Variants in GLIS3 observed in about 807,000 individuals in gnomAD.
GLIS3 encodes zinc finger protein GLIS3.
GLIS3 carries 53 observed loss-of-function variants against 78.6 expected under a neutral mutation model. That is an observed-to-expected ratio of 0.67 (90% CI 0.54 to 0.85). The LOEUF (loss-of-function observed/expected upper bound fraction) is 0.85, where lower values mean the gene tolerates loss of function less well. Among genes scored for constraint, GLIS3 ranks in the 40% least tolerant of loss-of-function variants. GLIS3 has a pLI of 0.00. For synonymous variants in GLIS3, 684 were observed against 509.9 expected (o/e 1.34, Z -4.60); for missense variants, 1,703 against 1,231.1 (o/e 1.38, Z -5.74).
chr9:4,380,075 T>C, the GLIS3 span, among the ~76,000 whole-genome samples: 2 of 152,198 alleles, frequency 1.3e-5, no homozygotes, highest in Admixed American at 6.5e-5. Flanking sequence ...CTGTAGTGCA[T>C]CAATATCTGC....
chr9:4,453,979 T>C, the GLIS3 span, among the ~76,000 whole-genome samples: 1 of 151,902 alleles, frequency 6.6e-6, no homozygotes, highest in East Asian at 1.9e-4. Flanking sequence ...ACATGTACCC[T>C]AGAACTTAAA....
intron 2 of GLIS3, among the ~76,000 whole-genome samples, chr9:4,251,053 G>T (rs934693336): frequency 2.6e-4 from 40 of 152,166 alleles, no homozygotes; most frequent in African/African-American, 9.2e-4. Context: ...GAATAAATGT[G>T]ATGTGGTGCT....
intron 2 of GLIS3, among the ~76,000 whole-genome samples, chr9:4,223,464 C>G (rs1821505489): frequency 6.6e-6 from 1 of 152,192 alleles, no homozygotes; most frequent in Non-Finnish European, 1.5e-5. Flanking sequence ...CCAAGTTTCT[C>G]TAATATTTCT....
At chr9:4,182,074 A>C (rs541628763) in intron 2 of GLIS3, among the ~76,000 whole-genome samples, 2 of 152,368 alleles carry the variant, frequency 1.3e-5, no homozygotes, top group Admixed American at 6.5e-5. Context: ...AAGTACACCT[A>C]TGTTGAGCTA....
chr9:3,848,143 C>G (rs747523890), intron 9 of GLIS3, among the ~76,000 whole-genome samples: 54 of 152,206 alleles, frequency 3.5e-4, no homozygotes, highest in Admixed American at 5.2e-4. Flanking sequence ...TTCATAACCT[C>G]ATATATGCAG....
At chr9:4,114,339 T>C (rs760455915) in intron 4 of GLIS3, among the ~76,000 whole-genome samples, 33 of 152,166 alleles carry the variant, frequency 2.2e-4, no homozygotes, top group Non-Finnish European at 4.3e-4. Context: ...TGGATATTGT[T>C]AGGGATGATT....
chr9:4,135,041 G>T (rs992702579), intron 2 of GLIS3, among the ~76,000 whole-genome samples: 15 of 152,070 alleles, frequency 9.9e-5, no homozygotes, highest in East Asian at 3.9e-4. Flanking sequence ...AAGATATTCT[G>T]GTGGGAAAGA....
chr9:4,300,085 G>C (rs979168773), upstream of GLIS3, among the ~76,000 whole-genome samples: 2 of 151,118 alleles, frequency 1.3e-5, no homozygotes, highest in East Asian at 3.9e-4. Flanking sequence ...GCGAGGGCCG[G>C]CCTGTAGCCA....
intron 4 of GLIS3, among the ~76,000 whole-genome samples, chr9:4,112,600 G>A (rs1831310882): frequency 6.6e-6 from 1 of 152,122 alleles, no homozygotes; most frequent in South Asian, 2.1e-4. Context: ...TGTCAGCCAG[G>A]GTTAAGAACT....
chr9:3,859,351 ACACACACACACACACACACACACACAC>A (rs1485314341), intron 8 of GLIS3, among the ~76,000 whole-genome samples: 1 of 626 alleles, frequency 1.6e-3, no homozygotes, highest in African/African-American at 2.9e-3. Context: ...TTTCTTCGAA[ACACACACACACACACACACACACACAC>A]ACACACACAC....
At chr9:3,947,629 A>G (rs1420020844) in intron 4 of GLIS3, among the ~76,000 whole-genome samples, 1 of 152,228 alleles carries the variant, frequency 6.6e-6, no homozygotes, top group Non-Finnish European at 1.5e-5. Context: ...ACACGAAGAG[A>G]ATAATTTACC....
chr9:4,084,679 A>G (rs934795267), intron 4 of GLIS3, among the ~76,000 whole-genome samples: 1 of 152,186 alleles, frequency 6.6e-6, no homozygotes, highest in Admixed American at 6.5e-5. Context: ...ATCACACATT[A>G]CAGAAAGTTA....
chr9:4,100,085 A>T (rs1454625881), intron 4 of GLIS3, among the ~76,000 whole-genome samples: 1 of 152,202 alleles, frequency 6.6e-6, no homozygotes, highest in African/African-American at 2.4e-5. Context: ...TGAAACGTAA[A>T]ATTGTGTAAC....
intron 6 of GLIS3, among the ~76,000 whole-genome samples, chr9:3,901,465 G>C (rs1161236785): frequency 6.6e-6 from 1 of 152,146 alleles, no homozygotes; most frequent in African/African-American, 2.4e-5. Context: ...CTACAAACAG[G>C]CTTTTTCCAT....
At chr9:4,238,027 C>G (rs567858323) in intron 2 of GLIS3, among the ~76,000 whole-genome samples, 1 of 152,276 alleles carries the variant, frequency 6.6e-6, no homozygotes, top group South Asian at 2.1e-4. Flanking sequence ...ATGTTCTAGA[C>G]CAGAAATTTT....
intron 8 of GLIS3, among the ~76,000 whole-genome samples, chr9:3,866,969 A>T (rs10973920): frequency 0.071 from 10,733 of 152,148 alleles, 472 homozygotes; most frequent in African/African-American, 0.12. Flanking sequence ...TGAACTAGGG[A>T]GGAGGATTGG....
intron 2 of GLIS3, among the ~76,000 whole-genome samples, chr9:4,191,304 T>C (rs1351059038): frequency 1.3e-5 from 2 of 152,210 alleles, no homozygotes; most frequent in Non-Finnish European, 2.9e-5. Context: ...TTCTTAGTGA[T>C]ACACAAAATA....
At chr9:4,253,607 G>T (rs576519034) in intron 2 of GLIS3, among the ~76,000 whole-genome samples, 84 of 152,286 alleles carry the variant, frequency 5.5e-4, no homozygotes, top group Admixed American at 2.2e-3. Context: ...CCCTTTCCAG[G>T]TGAGTGAACG....
At chr9:4,379,982 G>C in the GLIS3 span, among the ~76,000 whole-genome samples, 2 of 151,882 alleles carry the variant, frequency 1.3e-5, no homozygotes, top group Non-Finnish European at 2.9e-5. Flanking sequence ...AGGAGGACTT[G>C]GGTTCCAATC....
Sources: allele counts gnomAD v4.1 joint callset (sites outside exome capture counted in the v4.1 genomes callset), GRCh38; gene constraint gnomAD v4.1.1; transcripts MANE v1.5; gene names NCBI Gene and HGNC (gene_info 2026-07-23, HGNC 2026-07-21).